Variants in SOX13 observed in about 807,000 individuals in gnomAD.
The protein encoded by SOX13 is SRY-box transcription factor 13.
Under a neutral mutation model 71.8 loss-of-function variants are expected in SOX13, and 28 were observed. The ratio of observed to expected loss-of-function variants is 0.39; its 90% CI spans 0.29 to 0.53. The LOEUF (loss-of-function observed/expected upper bound fraction) is 0.53. Among genes scored for constraint, SOX13 ranks in the 20% least tolerant of loss-of-function variants. SOX13 has a pLI of 0.70. For synonymous variants in SOX13, 309 were observed against 317.8 expected (o/e 0.97, Z 0.29); for missense variants, 627 against 810.3 (o/e 0.77, Z 2.75).
At chr1:204,092,872 G>A (rs962806775) in intron 1 of SOX13, among the ~76,000 whole-genome samples, 1 of 150,978 alleles carries the variant, frequency 6.6e-6, no homozygotes, top group Admixed American at 6.6e-5. Context: ...GTGCAGCACG[G>A]GTCAAGTTAC....
intron 1 of SOX13, among the ~76,000 whole-genome samples, chr1:204,083,687 G>C (rs1010944656): frequency 6.6e-6 from 1 of 152,196 alleles, no homozygotes; most frequent in Non-Finnish European, 1.5e-5. Flanking sequence ...GTGGATGTTG[G>C]GGACTGCGGG....
chr1:204,126,251 A>T lies in SOX13; in HGVS notation c.*117A>T. On this transcript the variant is annotated 3_prime_UTR_variant, in exon 14 of 14. Transcript: ENST00000367204. ...ACTTGGACTTGTTCGTGCCCCAGAG[A>T]TGGGCAAAGCTGTGCACTTGCAGAT... 8.9e-7 allele frequency: 1 copy of T among 1,124,390 alleles called. No homozygotes were observed. The highest frequency in any genetic ancestry group is 1.3e-6 in the Non-Finnish European group (1 of 782,344). 69.7% of individuals were successfully genotyped at this position (1,124,390 alleles called of 1,614,324 possible).
chr1:204,101,518 A>AAAAAAT (rs61242533), intron 1 of SOX13, among the ~76,000 whole-genome samples: 1 of 149,358 alleles, frequency 6.7e-6, no homozygotes, highest in African/African-American at 2.5e-5. Context: ...AAAAAAAAAA[A>AAAAAAT]GTGGCAGGAG....
chr1:204,125,898 C>T lies in SOX13; in HGVS notation c.1633C>T (p.Leu545=), dbSNP rs777459520. The T allele has an allele frequency of 6.2e-7, 1 of 1,612,966 alleles. No homozygotes were observed. Among genetic ancestry groups the T allele is most frequent in the South Asian group, 1.1e-5 (1 of 90,936 alleles). ...GGTGCAGATGAGCTCCTCAGATGTC[C>T]TGTACCCTCGGGCAGCAGGCATGCC... ...GQVQMSSSDV[L]YPRAAGMPLA... The change falls in exon 14 of 14, where the codon CTG becomes TTG. Residue 545 remains leucine (L), a synonymous_variant. Transcript: ENST00000367204.
In SOX13 at chr1:204,087,112, C is replaced by T. The variant is rs180905304; in HGVS notation, c.-2+13401C>T. Among the ~76,000 whole-genome samples, 91 of 152,062 alleles carry T rather than the reference C, an allele frequency of 6.0e-4. 2 individuals carry two copies. In the East Asian group the frequency reaches 0.013, roughly 22 times the overall value. On this transcript the variant is annotated intron_variant, in intron 1 of 13. Transcript: ENST00000367204. Reference sequence around the variant, plus strand: ...CTAATTTTTGTATTTTTAGTAGAGACGGGGTTTCACCGTGTTAGCCAGGAT... The same window carrying T: ...CTAATTTTTGTATTTTTAGTAGAGATGGGGTTTCACCGTGTTAGCCAGGAT...
chr1:204,093,856 G>T (rs1419351201), intron 1 of SOX13, among the ~76,000 whole-genome samples: 1 of 152,158 alleles, frequency 6.6e-6, no homozygotes, highest in Non-Finnish European at 1.5e-5. Context: ...TTCTGATGAG[G>T]GGCTTCCATA....
intron 1 of SOX13, among the ~76,000 whole-genome samples, chr1:204,107,860 T>C (rs1656502477): frequency 6.6e-6 from 1 of 152,200 alleles, no homozygotes; most frequent in Admixed American, 6.5e-5. Context: ...AGGGCCCTTG[T>C]CTGGGCAGGG....
rs766915608 is a variant in SOX13, at chr1:204,123,100, C to T, written c.1135-12C>T. 3.1e-6 allele frequency: 5 copies of T among 1,606,276 alleles called. No homozygotes were observed. Among genetic ancestry groups the T allele is most frequent in the African/African-American group, 1.3e-5 (1 of 74,918 alleles). On this transcript the variant is annotated splice_polypyrimidine_tract_variant and intron_variant, in intron 10 of 13. Transcript: ENST00000367204. This position sits in a 1 kb window ranked among gnomAD's most constrained non-coding sequence, Gnocchi z 5.0. ...AGAGGAGGCTGATGTCAGGTTGCCC[C>T]TGTCAACCTAGGACCTCATCAGCCT...
intron 1 of SOX13, among the ~76,000 whole-genome samples, chr1:204,094,202 G>A (rs1389158509): frequency 2.6e-5 from 4 of 152,156 alleles, no homozygotes; most frequent in African/African-American, 4.8e-5. Context: ...GCCAGTTTAC[G>A]GATGGGAACG....
chr1:204,117,578 T>A lies in SOX13; in HGVS notation c.661-15T>A. On this transcript the variant is annotated splice_polypyrimidine_tract_variant and intron_variant, in intron 6 of 13. Coordinates refer to ENST00000367204, the MANE Select transcript of SOX13 (RefSeq NM_005686.3). ...TGGGTCCCTGGGGACTCACACAGGG[T>A]TTCTTTGCCTTCAGCAGGTTAACAT... 6.4e-7 allele frequency: 1 copy of A among 1,570,606 alleles called. No homozygotes were observed. The highest frequency in any genetic ancestry group is 8.7e-7 in the Non-Finnish European group (1 of 1,146,682).
At chr1:204,108,569 C>A (rs1656515435) in intron 1 of SOX13, among the ~76,000 whole-genome samples, 1 of 152,208 alleles carries the variant, frequency 6.6e-6, no homozygotes, top group Non-Finnish European at 1.5e-5. Context: ...TGGGCTGCAG[C>A]AGGAAGGCTT....
intron 1 of SOX13, among the ~76,000 whole-genome samples, chr1:204,089,724 AG>A (rs941812714): frequency 9.9e-5 from 15 of 152,166 alleles, no homozygotes; most frequent in African/African-American, 3.4e-4. Context: ...CCCGGAAGAG[AG>A]GGCAGGGGCA....
In SOX13 at chr1:204,114,577, G is replaced by A. The variant is rs1553298323; in HGVS notation, c.390G>A (p.Arg130=). 6.8e-6 allele frequency: 11 copies of A among 1,613,730 alleles called. No homozygotes were observed. The highest frequency in any genetic ancestry group is 9.3e-6 in the Non-Finnish European group (11 of 1,179,672). The part of the protein sequence containing the change: ...SSDWKERFLG[R]NSMEAKDVKG... ...ACTGGAAGGAGAGGTTTCTAGGAAG[G>A]AACTCTATGGAAGCCAAAGATGTCA... The change falls in exon 4 of 14, where the codon AGG becomes AGA. Residue 130 remains arginine, a synonymous_variant. Coordinates refer to ENST00000367204, the MANE Select transcript of SOX13 (RefSeq NM_005686.3).
At chr1:204,112,831 AG>A in intron 1 of SOX13, 83 bp from the exon 2 acceptor site, 1 of 1,141,412 alleles carries the variant, frequency 8.8e-7, no homozygotes, top group Non-Finnish European at 1.3e-6. Flanking sequence ...GGGTGGGGTC[AG>A]GGGAGCAAAC....
In SOX13 at chr1:204,123,077, A is replaced by G; in HGVS notation, c.1135-35A>G. 6.4e-7 allele frequency: 1 copy of G among 1,570,540 alleles called. No homozygotes were observed. Among genetic ancestry groups the G allele is most frequent in the South Asian group, 1.1e-5 (1 of 90,084 alleles). ...CATGGGGAGGAGTGGGGTGATGCAG[A>G]GGAGGCTGATGTCAGGTTGCCCCTG... On this transcript the variant is annotated intron_variant, in intron 10 of 13. Coordinates refer to ENST00000367204, the MANE Select transcript of SOX13 (RefSeq NM_005686.3). This position sits in a 1 kb window ranked among gnomAD's most constrained non-coding sequence, Gnocchi z 5.0.
At chr1:204,111,733 G>A (rs1656583878) in intron 1 of SOX13, among the ~76,000 whole-genome samples, 1 of 119,714 alleles carries the variant, frequency 8.4e-6, no homozygotes, top group Non-Finnish European at 1.6e-5. Flanking sequence ...TTAAAGAGAT[G>A]GGAGTCTCAT....
intron 1 of SOX13, among the ~76,000 whole-genome samples, chr1:204,104,288 G>T (rs961880227): frequency 6.6e-6 from 1 of 152,190 alleles, no homozygotes; most frequent in Non-Finnish European, 1.5e-5. Flanking sequence ...AGACCAGACC[G>T]GCCGTGCCCT....
intron 1 of SOX13, among the ~76,000 whole-genome samples, chr1:204,088,671 G>A (rs1181836865): frequency 6.6e-6 from 1 of 152,072 alleles, no homozygotes; most frequent in Non-Finnish European, 1.5e-5. Context: ...CATTCCTGCT[G>A]TTGAACTGAT....
chr1:204,078,613 C>T (rs1244675312), intron 1 of SOX13, among the ~76,000 whole-genome samples: 2 of 152,280 alleles, frequency 1.3e-5, no homozygotes, highest in East Asian at 1.9e-4. Flanking sequence ...TTCTGGAACC[C>T]GGATGTGTCA....
Sources: allele counts gnomAD v4.1 joint callset (sites outside exome capture counted in the v4.1 genomes callset), GRCh38; gene constraint gnomAD v4.1.1; non-coding constraint Gnocchi (gnomAD v3.1); transcripts MANE v1.5; gene names NCBI Gene and HGNC (gene_info 2026-07-23, HGNC 2026-07-21).